Variants in CBR4 observed in about 807,000 individuals in gnomAD.
The protein encoded by CBR4 is 3-oxoacyl-[acyl-carrier-protein] reductase.
CBR4 carries 22 observed loss-of-function variants against 21.0 expected under a neutral mutation model. The observed-to-expected ratio is 1.05, with a 90% CI of 0.75 to 1.50. CBR4 has a LOEUF of 1.50. Among genes scored for constraint, CBR4 ranks in the 40% most tolerant of loss-of-function variants. The pLI, the probability that CBR4 is intolerant of heterozygous loss-of-function variation, is 0.00. For missense variants in CBR4, 302 were observed against 286.3 expected, an observed-to-expected ratio of 1.05 and a Z score of -0.40; for synonymous variants, 100 against 104.4, an observed-to-expected ratio of 0.96 and a Z score of 0.26.
intron 2 of CBR4, among the ~76,000 whole-genome samples, chr4:168,895,378 C>T (rs1754892517): frequency 6.6e-6 from 1 of 152,186 alleles, no homozygotes; most frequent in Non-Finnish European, 1.5e-5. Flanking sequence ...GAGACTTCGT[C>T]TCCAAAACAA....
chr4:168,937,717 C>T (rs28875018), intron 2 of CBR4, among the ~76,000 whole-genome samples: 1 of 150,550 alleles, frequency 6.6e-6, no homozygotes, highest in Non-Finnish European at 1.5e-5. Flanking sequence ...AGACAAAGAA[C>T]GGCATTACAT....
rs189654507 is a variant in CBR4 at position 168,935,728 on chromosome 4, C to T, written n.170-40963G>A. ...CCTCTCTAGATTCCTCCTCTCTGGG[C>T]AGGGAATCTCTGAAAGAAAGGCAGC... On this transcript the variant is annotated intron_variant and non_coding_transcript_variant, in intron 2 of 3. Transcript: ENST00000509108. 4.9e-3 allele frequency among the ~76,000 whole-genome samples: 746 copies of T among 152,338 alleles called. 7 individuals carry two copies. Among genetic ancestry groups the T allele is most frequent in the Admixed American group, 5.5e-3 (84 of 15,312 alleles).
At chr4:168,970,576 G>A (rs1024865158) in intron 2 of CBR4, among the ~76,000 whole-genome samples, 2 of 152,206 alleles carry the variant, frequency 1.3e-5, no homozygotes, top group Admixed American at 1.3e-4. Context: ...AGATTTTGAT[G>A]TATCCATCAC....
At chr4:168,978,500 T>C (rs1313873181) in intron 2 of CBR4, among the ~76,000 whole-genome samples, 1 of 152,162 alleles carries the variant, frequency 6.6e-6, no homozygotes, top group Non-Finnish European at 1.5e-5. Context: ...CCACCTGGGA[T>C]TGGCACAGTG....
At chr4:168,951,897 G>A (rs985207702) in intron 2 of CBR4, among the ~76,000 whole-genome samples, 1 of 152,166 alleles carries the variant, frequency 6.6e-6, no homozygotes, top group Non-Finnish European at 1.5e-5. Flanking sequence ...GTGCCTAGGT[G>A]ATGATATTTT....
intron 2 of CBR4, among the ~76,000 whole-genome samples, chr4:168,929,921 A>G (rs1314487839): frequency 6.6e-6 from 1 of 152,182 alleles, no homozygotes; most frequent in African/African-American, 2.4e-5. Flanking sequence ...ACCTAACAAA[A>G]TTCCACAGAT....
chr4:168,918,510 G>A (rs1447356384), intron 2 of CBR4, among the ~76,000 whole-genome samples: 1 of 152,118 alleles, frequency 6.6e-6, no homozygotes, highest in African/African-American at 2.4e-5. Flanking sequence ...AGAATAGAAT[G>A]GTGATTACCA....
intron 2 of CBR4, among the ~76,000 whole-genome samples, chr4:168,960,919 C>T (rs981641537): frequency 6.6e-6 from 1 of 152,104 alleles, no homozygotes; most frequent in Non-Finnish European, 1.5e-5. Context: ...AAGCTGTTTC[C>T]GGTCGAAATT....
chr4:169,004,942 C>A (rs1284584131), intron 3 of CBR4, among the ~76,000 whole-genome samples: 1 of 152,106 alleles, frequency 6.6e-6, no homozygotes, highest in South Asian at 2.1e-4. Flanking sequence ...TAATTTTCTG[C>A]ACCACTGACC....
chr4:168,987,587 A>C (rs1471183471), downstream of CBR4: 1 of 872,788 alleles, frequency 1.1e-6, no homozygotes, highest in Non-Finnish European at 1.4e-6. Context: ...TAACATCAGA[A>C]AGTTTAAAAT....
intron 2 of CBR4, among the ~76,000 whole-genome samples, chr4:168,895,668 G>C (rs533682175): frequency 1.3e-5 from 2 of 152,170 alleles, no homozygotes; most frequent in African/African-American, 4.8e-5. Flanking sequence ...CTGAAGAGAA[G>C]AAGACAAGGG....
rs1296530962 is a variant in CBR4, at chr4:168,921,619, G to A, written n.170-26854C>T. On this transcript the variant is annotated intron_variant and non_coding_transcript_variant, in intron 2 of 3. Coordinates refer to the CBR4 transcript ENST00000509108. ...GACAGTGCTCACAAGATGCTGGTGC[G>A]TGAGAACGGGGTGCACTCTCTGATC... 8 of 1,610,678 alleles carry A rather than the reference G, an allele frequency of 5.0e-6. No homozygotes were observed. Among genetic ancestry groups the A allele is most frequent in the East Asian group, 2.2e-5 (1 of 44,754 alleles).
At chr4:169,003,637 A>C (rs1730647496) in intron 3 of CBR4, among the ~76,000 whole-genome samples, 1 of 152,254 alleles carries the variant, frequency 6.6e-6, no homozygotes, top group African/African-American at 2.4e-5. Flanking sequence ...GAAATCTCTC[A>C]CGAAATGAAG....
rs907938891 is a variant in CBR4 at position 168,987,645 on chromosome 4, T to C, written c.*2505A>G. The stretch of plus-strand genomic sequence containing the variant: ...CAGTTTGTTTACCAAGTTAGGACAG[T>C]GGTTATGATTTCTCAATTTACACAT... On this transcript the variant is annotated 3_prime_UTR_variant, in exon 5 of 5. Coordinates refer to ENST00000306193, the MANE Select transcript of CBR4 (RefSeq NM_032783.5). The C allele has an allele frequency of 1.0e-6, 1 of 963,030 alleles. No individual in the cohort carries two copies. Among genetic ancestry groups the C allele is most frequent in the Non-Finnish European group, 1.2e-6 (1 of 809,686 alleles). The allele number at this position is 963,030 out of a possible 1,614,324, so 59.7% of individuals were successfully genotyped here. A position where few individuals can be genotyped will look rare whatever the true frequency, so the allele number is the denominator to read the frequency against.
At chr4:169,000,688 T>G (rs1275821615) in intron 4 of CBR4, among the ~76,000 whole-genome samples, 1 of 152,146 alleles carries the variant, frequency 6.6e-6, no homozygotes, top group South Asian at 2.1e-4. Flanking sequence ...CTGGCAGAGG[T>G]AGATAAAAAC....
intron 2 of CBR4, among the ~76,000 whole-genome samples, chr4:168,974,797 C>T (rs1051883344): frequency 6.6e-6 from 1 of 151,932 alleles, no homozygotes; most frequent in East Asian, 1.9e-4. Context: ...GAGACTGTTT[C>T]TTCCATATCC....
chr4:168,956,597 C>CAAAAA (rs59962690), intron 2 of CBR4, among the ~76,000 whole-genome samples: 51 of 29,690 alleles, frequency 1.7e-3, no homozygotes, highest in South Asian at 2.3e-3. Flanking sequence ...GACCCTGTCT[C>CAAAAA]AAAAAAAAAA....
At chr4:168,940,833 G>C (rs1460241261) in intron 2 of CBR4, among the ~76,000 whole-genome samples, 2 of 152,218 alleles carry the variant, frequency 1.3e-5, no homozygotes, top group Non-Finnish European at 2.9e-5. Context: ...CTGTTGGTGG[G>C]AGTGTAAATT....
At position 168,926,383 on chromosome 4, in the gene CBR4, T is replaced by A. The variant is rs1762582426; in HGVS notation, n.170-31618A>T. 6.5e-7 allele frequency: 1 copy of A among 1,536,034 alleles called. No homozygotes were observed. Among genetic ancestry groups the A allele is most frequent in the Non-Finnish European group, 8.7e-7 (1 of 1,145,766 alleles). On this transcript the variant is annotated intron_variant and non_coding_transcript_variant, in intron 2 of 3. Coordinates refer to the CBR4 transcript ENST00000509108. ...TGCCTTGGTAGAAAGTGAGGACCTG[T>A]AATCCAGCATTCTTGTTAAAGCTGA...
Sources: allele counts gnomAD v4.1 joint callset (sites outside exome capture counted in the v4.1 genomes callset), GRCh38; gene constraint gnomAD v4.1.1; transcripts MANE v1.5; gene names NCBI Gene and HGNC (gene_info 2026-07-23, HGNC 2026-07-21).